EIF2AK4: variants seen among roughly 807,000 people sequenced by gnomAD.
EIF2AK4 encodes eukaryotic translation initiation factor 2 alpha kinase 4, also known as eIF-2-alpha kinase GCN2.
A neutral mutation model predicts 211.1 loss-of-function variants in EIF2AK4; 139 were observed. The observed-to-expected ratio is 0.66, with a 90% CI of 0.57 to 0.76. EIF2AK4 has a LOEUF of 0.76. EIF2AK4 is among the 30% of genes least tolerant of loss of function. EIF2AK4 has a pLI of 0.00. For synonymous variants in EIF2AK4, 710 were observed against 751.3 expected (o/e 0.94, Z 0.90); for missense variants, 1,664 against 2,043.8 (o/e 0.81, Z 3.58).
At chr15:39,963,654 T>C (rs1426107548) in intron 7 of EIF2AK4, among the ~76,000 whole-genome samples, 1 of 152,210 alleles carries the variant, frequency 6.6e-6, no homozygotes, top group Non-Finnish European at 1.5e-5. Context: ...CTTATAGATA[T>C]GACTATAGCA....
At chr15:40,021,106 C>A in intron 31 of EIF2AK4, 79 bp downstream of exon 31, 1 of 1,448,298 alleles carries the variant, frequency 6.9e-7, no homozygotes, top group South Asian at 1.5e-5. Context: ...CACCTATAGA[C>A]TGTCAAACTC....
Position 40,021,002 on chromosome 15 carries a change from C to T in EIF2AK4, c.4277C>T (p.Ala1426Val), listed in dbSNP as rs1229878080. Reference sequence around the variant, plus strand: ...AAACTCTGGACAGCAGGCATCACAGCAGAAATCATGTACGACTGGTCACAG... The same window carrying T: ...AAACTCTGGACAGCAGGCATCACAGTAGAAATCATGTACGACTGGTCACAG... ...TQKLWTAGIT[A>V]EIMYDWSQSQ... is the part of the protein sequence containing the mutation. The change falls in exon 31 of 39, where the codon GCA (alanine) becomes GTA (valine). Residue 1426 changes from alanine (A) to valine (V), a missense_variant. Ala to Val is a moderately conservative substitution (Grantham distance 64). Coordinates refer to ENST00000263791, the MANE Select transcript of EIF2AK4 (RefSeq NM_001013703.4). The T allele has an allele frequency of 1.9e-6, 3 of 1,613,710 alleles. No individual in the cohort carries two copies. The highest frequency in any genetic ancestry group is 2.2e-5 in the South Asian group (2 of 90,956).
intron 7 of EIF2AK4, among the ~76,000 whole-genome samples, chr15:39,963,061 C>G (rs479500): frequency 0.91 from 139,004 of 152,230 alleles, 63,884 homozygotes; most frequent in Middle Eastern, 0.97. Flanking sequence ...CAGGAAGCAG[C>G]CAGCAGGTGG....
At chr15:40,011,905 A>C (rs556441421) in intron 27 of EIF2AK4, among the ~76,000 whole-genome samples, 3 of 152,360 alleles carry the variant, frequency 2.0e-5, no homozygotes, top group East Asian at 1.9e-4. Context: ...CTCTGTAGGC[A>C]TCAGATTGAT....
At chr15:39,946,006 T>C (rs1298979845) in intron 3 of EIF2AK4, among the ~76,000 whole-genome samples, 1 of 152,218 alleles carries the variant, frequency 6.6e-6, no homozygotes, top group East Asian at 1.9e-4. Flanking sequence ...GCGCACCTAG[T>C]CACCCAAGAA....
intron 31 of EIF2AK4, 92 bp downstream of exon 31, chr15:40,021,119 T>C (rs768861020): frequency 4.3e-6 from 6 of 1,380,976 alleles, no homozygotes; most frequent in Non-Finnish European, 5.8e-6. Flanking sequence ...TCAAACTCTG[T>C]TTATCTCTGT....
chr15:39,976,791 TGACGAGGACGAC>T lies in EIF2AK4; in HGVS notation c.2208_2219del (p.Asp736_Asp739del), dbSNP rs752605300. ...CCGCCACCGGCCCGGGCTCCAGCGATGACGAGGACGACGACGAGGACGAGCACGGTGGCGTCT... is the reference window on the plus strand; with the variant it reads ...CCGCCACCGGCCCGGGCTCCAGCGATGACGAGGACGAGCACGGTGGCGTCT... On this transcript the variant is annotated inframe_deletion, in exon 12 of 39. Transcript: ENST00000263791. The T allele has an allele frequency of 1.1e-5, 17 of 1,568,240 alleles. No individual in the cohort carries two copies. The Admixed American group carries it at 1.3e-4, about 12-fold the overall frequency.
intron 7 of EIF2AK4, 72 bp from the exon 8 acceptor site, chr15:39,965,614 A>T: frequency 3.9e-6 from 6 of 1,531,276 alleles, no homozygotes; most frequent in Non-Finnish European, 5.4e-6. Context: ...AATGTGTATT[A>T]CCCCCTCCCT....
At chr15:39,998,098 A>G (rs982518940) in intron 19 of EIF2AK4, among the ~76,000 whole-genome samples, 10 of 152,148 alleles carry the variant, frequency 6.6e-5, no homozygotes, top group African/African-American at 1.9e-4. Flanking sequence ...AGTGATTTCT[A>G]TTGCCTCGCC....
chr15:39,934,273 G>A lies in EIF2AK4; in HGVS notation c.78G>A (p.Glu26=). The change falls in exon 1 of 39, where the codon GAG becomes GAA. Residue 26 remains glutamate, a synonymous_variant. Coordinates refer to ENST00000263791, the MANE Select transcript of EIF2AK4 (RefSeq NM_001013703.4). ...GCTACCCGCAACGACAGGACCACGA[G>A]CTACAGGCCCTGGAGGCCATTTACG... ...PESYPQRQDH[E]LQALEAIYGA... is the part of the protein sequence containing the mutation. The A allele has an allele frequency of 6.2e-7, 1 of 1,611,786 alleles. No individual in the cohort carries two copies. Among genetic ancestry groups the A allele is most frequent in the Non-Finnish European group, 8.5e-7 (1 of 1,179,072 alleles).
chr15:40,019,116 A>G lies in EIF2AK4; in HGVS notation c.4089A>G (p.Gln1363=). The part of the protein sequence containing the change: ...DLLIPQFRGP[Q]ALGPVPTAIG... ...AGATTCCCCAGTTTAGAGGGCCACA[A>G]GCTCTGGGGCCAGTTCCCACTGCCA... Residue 1363 remains glutamine, a synonymous_variant, in exon 30 of 39, where the codon CAA becomes CAG. Coordinates refer to ENST00000263791, the MANE Select transcript of EIF2AK4 (RefSeq NM_001013703.4). 1 of 1,607,474 alleles carries G rather than the reference A, an allele frequency of 6.2e-7. No homozygotes were observed. Among genetic ancestry groups the G allele is most frequent in the South Asian group, 1.1e-5 (1 of 89,512 alleles).
Position 40,019,106 on chromosome 15 carries a change from G to T in EIF2AK4, c.4079G>T (p.Arg1360Ile). The change falls in exon 30 of 39, where the codon AGA (arginine) becomes ATA (isoleucine). Residue 1360 changes from arginine to isoleucine, a missense_variant. Physicochemically the swap from Arg to Ile is moderately conservative, Grantham distance 97. Around this residue, in one of 7 missense-constraint regions of EIF2AK4, gnomAD observed 622 missense variants for 796.8 expected, o/e 0.78. Coordinates refer to ENST00000263791, the MANE Select transcript of EIF2AK4 (RefSeq NM_001013703.4). Reference protein sequence around the residue: ...GRYDLLIPQFRGPQALGPVPT... With the variant: ...GRYDLLIPQFIGPQALGPVPT... ...GTCTCTCCACAGATTCCCCAGTTTA[G>T]AGGGCCACAAGCTCTGGGGCCAGTT... 1 of 1,605,960 alleles carries T rather than the reference G, an allele frequency of 6.2e-7. No individual in the cohort carries two copies.
At chr15:40,032,029 G>A in intron 35 of EIF2AK4, 140 bp from the exon 36 acceptor site, 1 of 776,574 alleles carries the variant, frequency 1.3e-6, no homozygotes, top group Non-Finnish European at 2.2e-6. Context: ...CCCAGCCAAG[G>A]GCAAACCTTT....
intron 20 of EIF2AK4, among the ~76,000 whole-genome samples, chr15:40,000,133 C>T (rs974611223): frequency 6.6e-6 from 1 of 152,118 alleles, no homozygotes; most frequent in Non-Finnish European, 1.5e-5. Flanking sequence ...CTATTATGCT[C>T]AATAGGGTAT....
chr15:40,003,482 GT>G (rs375995757), intron 23 of EIF2AK4, among the ~76,000 whole-genome samples, 168 bp downstream of exon 23: 10 of 152,298 alleles, frequency 6.6e-5, no homozygotes, highest in African/African-American at 2.4e-4. Flanking sequence ...TGGAGGAAAT[GT>G]TTGGTCCTGA....
intron 33 of EIF2AK4, among the ~76,000 whole-genome samples, chr15:40,027,383 T>A (rs1469517822): frequency 6.6e-6 from 1 of 152,216 alleles, no homozygotes; most frequent in Non-Finnish European, 1.5e-5. Flanking sequence ...ATGAAAATAG[T>A]TTTGACCTTG....
chr15:40,002,385 C>T (rs73388576), intron 21 of EIF2AK4: 3,488 of 228,664 alleles, frequency 0.015, 132 homozygotes, highest in African/African-American at 0.075. Flanking sequence ...AGGTGGTCAT[C>T]GCGCCACAGT....
In EIF2AK4 at chr15:40,019,142, T is replaced by C. The variant is rs201279777; in HGVS notation, c.4115T>C (p.Ile1372Thr). 717 of 1,608,044 alleles carry C rather than the reference T, an allele frequency of 4.5e-4. No individual in the cohort carries two copies. The highest frequency in any genetic ancestry group is 1.0e-3 in the African/African-American group (77 of 74,898). Residue 1372 changes from isoleucine to threonine, a missense_variant, in exon 30 of 39, where the codon ATT (isoleucine) becomes ACT (threonine). Around this residue, in one of 7 missense-constraint regions of EIF2AK4, gnomAD observed 622 missense variants for 796.8 expected, o/e 0.78. Transcript: ENST00000263791. ...GCTCTGGGGCCAGTTCCCACTGCCA[T>C]TGGGGTCAGCATAGCTATAGACAAG... Reference protein sequence around the residue: ...PQALGPVPTAIGVSIAIDKIS... With the variant: ...PQALGPVPTATGVSIAIDKIS...
chr15:39,947,230 A>AT (rs2034241500), intron 3 of EIF2AK4, among the ~76,000 whole-genome samples: 3 of 152,138 alleles, frequency 2.0e-5, no homozygotes, highest in Non-Finnish European at 2.9e-5. Flanking sequence ...TTCTAAAGAA[A>AT]TTTTTTTATT....
Sources: gnomAD v4.1 joint callset for allele counts (sites outside exome capture counted in the v4.1 genomes callset) on GRCh38, gnomAD v4.1.1 for gene constraint, gnomAD v4.1.1 regional missense constraint, MANE v1.5 for transcripts, NCBI Gene and HGNC (gene_info 2026-07-23, HGNC 2026-07-21) for gene names.